DLG2: variants seen among roughly 807,000 people sequenced by gnomAD.
DLG2 encodes disks large homolog 2.
A neutral mutation model predicts 132.5 loss-of-function variants in DLG2; 45 were observed. The observed-to-expected ratio is 0.34, with a 90% CI of 0.27 to 0.44. DLG2 has a LOEUF of 0.44. Among genes scored for constraint, DLG2 ranks in the 20% least tolerant of loss-of-function variants. The pLI, the probability that DLG2 is intolerant of heterozygous loss-of-function variation, is 1.00. For synonymous variants in DLG2, 424 were observed against 419.6 expected (o/e 1.01, Z -0.13); for missense variants, 1,045 against 1,196.9 (o/e 0.87, Z 1.87).
In DLG2 at chr11:83,540,138, T is replaced by C. The variant is rs541819944; in HGVS notation, c.2117+1544A>G. Among the ~76,000 whole-genome samples the C allele has an allele frequency of 2.0e-5, 3 of 152,336 alleles. No individual in the cohort carries two copies. The South Asian group carries it at 6.2e-4, about 32-fold the overall frequency. ...CACCCCATTACTATCTTTGGGGCCA[T>C]AATTCAACAAGATGGCTCTTTCTTC... On this transcript the variant is annotated intron_variant, in intron 20 of 27. Transcript: ENST00000376104.
chr11:85,431,285 T>C (rs2091165220), intron 3 of DLG2, among the ~76,000 whole-genome samples: 1 of 151,812 alleles, frequency 6.6e-6, no homozygotes, highest in African/African-American at 2.4e-5. Context: ...ACCAGTGTGG[T>C]GCAGTGGACC....
chr11:85,565,021 A>G (rs903998109), intron 3 of DLG2, among the ~76,000 whole-genome samples: 2 of 151,812 alleles, frequency 1.3e-5, no homozygotes, highest in African/African-American at 2.4e-5. Flanking sequence ...TATTATTTTA[A>G]TTTTTGTTAT....
chr11:84,074,037 T>C (rs1281710865), intron 10 of DLG2, among the ~76,000 whole-genome samples: 1 of 152,248 alleles, frequency 6.6e-6, no homozygotes, highest in African/African-American at 2.4e-5. Flanking sequence ...CATGTTGTTA[T>C]AGAGAATATC....
intron 7 of DLG2, among the ~76,000 whole-genome samples, chr11:84,294,209 A>G (rs2098054337): frequency 6.6e-6 from 1 of 152,198 alleles, no homozygotes; most frequent in East Asian, 1.9e-4. Context: ...TTTTTAATTT[A>G]TTGAGTTGTA....
intron 16 of DLG2, among the ~76,000 whole-genome samples, chr11:83,843,592 C>T (rs2058048885): frequency 6.9e-6 from 1 of 145,816 alleles, no homozygotes; most frequent in Admixed American, 7.0e-5. Flanking sequence ...GACATACAAA[C>T]AAAAATATTG....
intron 6 of DLG2, among the ~76,000 whole-genome samples, chr11:85,101,621 C>G (rs1056336977): frequency 1.3e-5 from 2 of 152,022 alleles, no homozygotes; most frequent in African/African-American, 4.8e-5. Context: ...AACTATGATT[C>G]CATCCCATTA....
chr11:85,257,233 C>CA (rs1388791374), intron 4 of DLG2, among the ~76,000 whole-genome samples: 3 of 151,992 alleles, frequency 2.0e-5, no homozygotes, highest in African/African-American at 2.4e-5. Flanking sequence ...AGGCTTAAGG[C>CA]AAAATCACAT....
At chr11:84,498,784 A>T (rs1438232823) in intron 7 of DLG2, among the ~76,000 whole-genome samples, 1 of 152,198 alleles carries the variant, frequency 6.6e-6, no homozygotes, top group Non-Finnish European at 1.5e-5. Flanking sequence ...CCCACATGTC[A>T]GGTATTATTT....
At chr11:85,487,286 G>A (rs771220622) in intron 3 of DLG2, among the ~76,000 whole-genome samples, 2 of 151,522 alleles carry the variant, frequency 1.3e-5, no homozygotes, top group Non-Finnish European at 2.9e-5. Flanking sequence ...TACCATCAAA[G>A]GAACACAACA....
intron 3 of DLG2, among the ~76,000 whole-genome samples, chr11:85,559,370 C>T (rs2077100850): frequency 6.6e-6 from 1 of 151,096 alleles, no homozygotes; most frequent in African/African-American, 2.4e-5. Flanking sequence ...AGGATGGTCT[C>T]GATCTCTTGA....
intron 5 of DLG2, among the ~76,000 whole-genome samples, chr11:85,117,841 G>T (rs1415184564): frequency 6.6e-6 from 1 of 151,978 alleles, no homozygotes; most frequent in Non-Finnish European, 1.5e-5. Flanking sequence ...GATATTAAGT[G>T]ATTGTAGGAC....
chr11:85,420,235 C>A (rs2090183018), intron 3 of DLG2, among the ~76,000 whole-genome samples: 1 of 152,158 alleles, frequency 6.6e-6, no homozygotes, highest in Admixed American at 6.5e-5. Context: ...TACTCCAGAC[C>A]ATGTTTGCCT....
intron 25 of DLG2, among the ~76,000 whole-genome samples, chr11:83,467,317 T>C (rs1170911774): frequency 2.6e-5 from 4 of 152,080 alleles, no homozygotes; most frequent in African/African-American, 7.2e-5. Context: ...TTGGAAAAAA[T>C]AGACACCTCA....
intron 7 of DLG2, among the ~76,000 whole-genome samples, chr11:84,427,116 A>G (rs965283262): frequency 7.2e-5 from 11 of 152,126 alleles, no homozygotes; most frequent in Non-Finnish European, 1.2e-4. Context: ...TCGGAAGCCC[A>G]GGGGGATAGT....
chr11:83,506,968 CTG>C (rs940454795), intron 21 of DLG2, among the ~76,000 whole-genome samples: 2 of 152,170 alleles, frequency 1.3e-5, no homozygotes, highest in Non-Finnish European at 2.9e-5. Flanking sequence ...TCTTAGCAAT[CTG>C]AGGCTCAGTG....
intron 3 of DLG2, among the ~76,000 whole-genome samples, chr11:85,390,153 T>G (rs969625543): frequency 1.6e-4 from 25 of 151,846 alleles, no homozygotes; most frequent in African/African-American, 5.8e-4. Flanking sequence ...GGTAAAGGGA[T>G]GGAAAAAGAT....
chr11:85,546,049 C>T (rs983433176), intron 3 of DLG2, among the ~76,000 whole-genome samples: 1 of 152,122 alleles, frequency 6.6e-6, no homozygotes, highest in Non-Finnish European at 1.5e-5. Context: ...AATTTGTTTG[C>T]TCCTGCTTCT....
At chr11:83,469,985 AAGAAG>A (rs1260648287) in intron 24 of DLG2, among the ~76,000 whole-genome samples, 1 of 152,188 alleles carries the variant, frequency 6.6e-6, no homozygotes, top group African/African-American at 2.4e-5. Flanking sequence ...ATTTTTTGGT[AAGAAG>A]AGAAGGGGAA....
intron 6 of DLG2, among the ~76,000 whole-genome samples, chr11:84,886,420 G>T (rs528173061): frequency 6.6e-6 from 1 of 152,172 alleles, no homozygotes; most frequent in South Asian, 2.1e-4. Flanking sequence ...AAATAAGGAA[G>T]ATGTTTAGAG....
Sources: allele counts gnomAD v4.1 joint callset (sites outside exome capture counted in the v4.1 genomes callset), GRCh38; gene constraint gnomAD v4.1.1; transcripts MANE v1.5; gene names NCBI Gene and HGNC (gene_info 2026-07-23, HGNC 2026-07-21).